Variants in PTPN11 observed in about 807,000 individuals in gnomAD.
PTPN11 encodes the protein tyrosine-protein phosphatase non-receptor type 11.
In PTPN11, 6 loss-of-function variants were observed where a neutral mutation model predicts 78.8. The ratio of observed to expected loss-of-function variants is 0.08; its 90% CI spans 0.04 to 0.15. The LOEUF is 0.15. Among genes scored for constraint, PTPN11 ranks in the 10% least tolerant of loss-of-function variants. The pLI, the probability that PTPN11 is intolerant of heterozygous loss-of-function variation, is 1.00. For synonymous variants in PTPN11, 221 were observed against 263.5 expected (o/e 0.84, Z 1.56); for missense variants, 386 against 744.8 (o/e 0.52, Z 5.61).
At chr12:112,448,122 C>A (rs920548351) in intron 2 of PTPN11, among the ~76,000 whole-genome samples, 4 of 151,758 alleles carry the variant, frequency 2.6e-5, no homozygotes, top group Non-Finnish European at 5.9e-5. Context: ...CATTCTTACT[C>A]CTACTCCCTT....
At chr12:112,461,202 A>G (rs1196046687) in intron 6 of PTPN11, among the ~76,000 whole-genome samples, 1 of 152,152 alleles carries the variant, frequency 6.6e-6, no homozygotes, top group Non-Finnish European at 1.5e-5. Context: ...CCATTAATTC[A>G]TAAGGGACTA....
chr12:112,469,137 A>G (rs2038374322), intron 6 of PTPN11, among the ~76,000 whole-genome samples: 2 of 152,104 alleles, frequency 1.3e-5, no homozygotes, highest in Non-Finnish European at 2.9e-5. Context: ...ATGAGTATTG[A>G]TGAGGATTTC....
chr12:112,476,988 A>G (rs1025185379), intron 7 of PTPN11, among the ~76,000 whole-genome samples: 1 of 151,848 alleles, frequency 6.6e-6, no homozygotes, highest in Non-Finnish European at 1.5e-5. Context: ...CATGTCATAT[A>G]TGTATACTTC....
intron 1 of PTPN11, among the ~76,000 whole-genome samples, chr12:112,442,053 A>G (rs1487999039): frequency 6.6e-6 from 1 of 152,210 alleles, no homozygotes; most frequent in Non-Finnish European, 1.5e-5. Context: ...CTGGGATTAC[A>G]GGCGTGAGCC....
At chr12:112,451,911 T>C (rs567483438) in intron 3 of PTPN11, among the ~76,000 whole-genome samples, 1 of 152,350 alleles carries the variant, frequency 6.6e-6, no homozygotes, top group Non-Finnish European at 1.5e-5. Context: ...AGTCTCACTC[T>C]GTCACCCAGG....
intron 6 of PTPN11, among the ~76,000 whole-genome samples, chr12:112,459,531 A>G (rs2038215578): frequency 6.7e-6 from 1 of 149,556 alleles, no homozygotes. Flanking sequence ...CTGTGGCTTG[A>G]TCTTGGCTCA....
At chr12:112,454,208 C>T (rs1290019824) in intron 4 of PTPN11, among the ~76,000 whole-genome samples, 1 of 152,118 alleles carries the variant, frequency 6.6e-6, no homozygotes, top group Non-Finnish European at 1.5e-5. Flanking sequence ...CAACCTCTGC[C>T]TCTTGGGCTC....
intron 13 of PTPN11, among the ~76,000 whole-genome samples, chr12:112,494,627 C>G (rs1018319890): frequency 1.3e-5 from 2 of 152,126 alleles, no homozygotes; most frequent in Admixed American, 1.3e-4. Context: ...TTCAAAGGAA[C>G]CTGATTCCTT....
chr12:112,462,844 T>G (rs970227912), intron 6 of PTPN11, among the ~76,000 whole-genome samples: 2 of 152,204 alleles, frequency 1.3e-5, no homozygotes, highest in Admixed American at 1.3e-4. Flanking sequence ...TTGGGTAGTT[T>G]CCAAATGTAT....
At position 112,495,006 on chromosome 12, in the gene PTPN11, A is replaced by G. The variant is rs550957058; in HGVS notation, c.1599+5831A>G. Among the ~76,000 whole-genome samples the G allele has an allele frequency of 3.9e-5, 6 of 152,258 alleles. No homozygotes were observed. In the South Asian group the frequency reaches 1.0e-3, roughly 26 times the overall value. The stretch of plus-strand genomic sequence containing the variant: ...TTGGTAGGTTAGATATGTTAAATGC[A>G]TTTTCGACTAGTGATATTTTCAACT... On this transcript the variant is annotated intron_variant, in intron 13 of 15. Transcript: ENST00000351677.
At chr12:112,446,482 G>A in intron 2 of PTPN11, 84 bp downstream of exon 2, 1 of 1,593,026 alleles carries the variant, frequency 6.3e-7, no homozygotes. Flanking sequence ...CTTGCTGCCT[G>A]CATTTCGAGT....
chr12:112,419,166 C>G, intron 1 of PTPN11, 41 bp downstream of exon 1: 2 of 1,482,790 alleles, frequency 1.3e-6, no homozygotes, highest in South Asian at 2.6e-5. Context: ...CTCGGCCCGG[C>G]CACCGCCGCG....
chr12:112,424,629 T>C (rs1407059040), intron 1 of PTPN11, among the ~76,000 whole-genome samples: 3 of 152,002 alleles, frequency 2.0e-5, no homozygotes, highest in Non-Finnish European at 4.4e-5. Flanking sequence ...CCAATGAAAC[T>C]CCATGAGAAA....
chr12:112,501,912 C>A (rs1189498372), intron 13 of PTPN11, among the ~76,000 whole-genome samples: 1 of 152,166 alleles, frequency 6.6e-6, no homozygotes, highest in Non-Finnish European at 1.5e-5. Flanking sequence ...TAATGCGTGA[C>A]TCTGTGCTTT....
chr12:112,464,366 A>G lies in PTPN11; in HGVS notation c.756+8303A>G, dbSNP rs547543383. 2.4e-3 allele frequency among the ~76,000 whole-genome samples: 359 copies of G among 152,238 alleles called. 1 individual carries two copies. The highest frequency in any genetic ancestry group is 3.4e-3 in the Middle Eastern group (1 of 294). On this transcript the variant is annotated intron_variant, in intron 6 of 15. Transcript: ENST00000351677. Reference sequence around the variant, plus strand: ...GTAGGATATGTTGTGTGATCTAGACATTGCAAACCCAAGTCTTTGATTTTT... The same window carrying G: ...GTAGGATATGTTGTGTGATCTAGACGTTGCAAACCCAAGTCTTTGATTTTT...
chr12:112,467,529 C>G (rs915048106), intron 6 of PTPN11, among the ~76,000 whole-genome samples: 2 of 152,146 alleles, frequency 1.3e-5, no homozygotes, highest in Non-Finnish European at 1.5e-5. Flanking sequence ...GTGTCTCACT[C>G]TTTTGCCCAG....
intron 1 of PTPN11, among the ~76,000 whole-genome samples, chr12:112,424,098 C>T (rs76279965): frequency 1.0e-3 from 156 of 152,240 alleles, no homozygotes; most frequent in African/African-American, 3.5e-3. Flanking sequence ...TTTATCATCC[C>T]ACTGGCCTAC....
At chr12:112,496,144 A>G (rs1465735848) in intron 13 of PTPN11, among the ~76,000 whole-genome samples, 1 of 152,140 alleles carries the variant, frequency 6.6e-6, no homozygotes, top group Non-Finnish European at 1.5e-5. Flanking sequence ...ATAGAGACGC[A>G]TGTACATTTA....
At chr12:112,466,999 T>C (rs1337831048) in intron 6 of PTPN11, among the ~76,000 whole-genome samples, 1 of 151,976 alleles carries the variant, frequency 6.6e-6, no homozygotes, top group Non-Finnish European at 1.5e-5. Flanking sequence ...GCCTCTGGGG[T>C]CTATTTTGGT....
Sources: gnomAD v4.1 joint callset for allele counts (sites outside exome capture counted in the v4.1 genomes callset) on GRCh38, gnomAD v4.1.1 for gene constraint, MANE v1.5 for transcripts, NCBI Gene and HGNC (gene_info 2026-07-23, HGNC 2026-07-21) for gene names.